The following HPSE2 variants were observed in gnomAD, a reference collection of about 807,000 sequenced individuals.
HPSE2 encodes the protein inactive heparanase-2.
In HPSE2, 38 loss-of-function variants were observed where a neutral mutation model predicts 60.5. The ratio of observed to expected loss-of-function variants is 0.63; its 90% CI spans 0.48 to 0.82. The LOEUF (loss-of-function observed/expected upper bound fraction) is 0.82, where lower values mean the gene tolerates loss of function less well. HPSE2 is among the 40% of genes least tolerant of loss of function. HPSE2 has a pLI of 0.00. For synonymous variants in HPSE2, 295 were observed against 293.2 expected, an observed-to-expected ratio of 1.01 and a Z score of -0.06; for missense variants, 713 against 740.4, an observed-to-expected ratio of 0.96 and a Z score of 0.43.
intron 3 of HPSE2, among the ~76,000 whole-genome samples, chr10:99,073,458 T>C (rs988146111): frequency 1.1e-4 from 16 of 151,538 alleles, no homozygotes; most frequent in African/African-American, 3.6e-4. Flanking sequence ...GAGAACAACA[T>C]ACACTGGGGC....
the HPSE2 span, among the ~76,000 whole-genome samples, chr10:99,295,016 C>T: frequency 3.3e-5 from 5 of 152,086 alleles, no homozygotes; most frequent in African/African-American, 1.2e-4. Flanking sequence ...TAACTATAGC[C>T]TCGCAAAAAT....
intron 9 of HPSE2, among the ~76,000 whole-genome samples, chr10:98,580,863 T>TGTGTGTGTGA (rs758991622): frequency 0.074 from 10,580 of 142,336 alleles, 533 homozygotes; most frequent in Middle Eastern, 0.15. Flanking sequence ...TGTGTGTGTG[T>TGTGTGTGTGA]GATAAACATG....
At chr10:98,546,806 G>A (rs886384527) in intron 9 of HPSE2, among the ~76,000 whole-genome samples, 12 of 150,780 alleles carry the variant, frequency 8.0e-5, no homozygotes, top group African/African-American at 2.7e-4. Context: ...TGACAAATGG[G>A]ATCTAATTAA....
intron 5 of HPSE2, among the ~76,000 whole-genome samples, chr10:98,701,336 C>T (rs1202767173): frequency 6.9e-4 from 102 of 148,098 alleles, no homozygotes; most frequent in South Asian, 1.1e-3. Context: ...TCATGTCCTT[C>T]GTAGGGACAT....
intron 9 of HPSE2, among the ~76,000 whole-genome samples, chr10:98,539,848 C>A (rs561565287): frequency 6.6e-6 from 1 of 151,990 alleles, no homozygotes; most frequent in African/African-American, 2.4e-5. Context: ...CCTGATTTTA[C>A]CCCCACCTTA....
chr10:98,980,953 T>C (rs1956192562), intron 3 of HPSE2, among the ~76,000 whole-genome samples: 1 of 152,180 alleles, frequency 6.6e-6, no homozygotes, highest in Non-Finnish European at 1.5e-5. Flanking sequence ...AGGAGTATGA[T>C]AAGATATTAT....
At chr10:98,631,043 T>A (rs1041276767) in intron 7 of HPSE2, among the ~76,000 whole-genome samples, 3 of 152,238 alleles carry the variant, frequency 2.0e-5, no homozygotes, top group African/African-American at 7.2e-5. Context: ...TTGATGCATT[T>A]CTTCTGTCTA....
chr10:99,210,925 T>C (rs1377134162), intron 2 of HPSE2, among the ~76,000 whole-genome samples: 1 of 152,132 alleles, frequency 6.6e-6, no homozygotes, highest in African/African-American at 2.4e-5. Flanking sequence ...GACAGATCAA[T>C]TAGGCATAAA....
chr10:98,946,929 A>C (rs1025750770), intron 3 of HPSE2, among the ~76,000 whole-genome samples: 11 of 152,058 alleles, frequency 7.2e-5, no homozygotes, highest in Admixed American at 7.2e-4. Flanking sequence ...TATCACAGTA[A>C]AAAGTGAGCA....
At chr10:98,719,844 T>C (rs754962147) in intron 5 of HPSE2, among the ~76,000 whole-genome samples, 16 of 149,468 alleles carry the variant, frequency 1.1e-4, no homozygotes, top group African/African-American at 1.7e-4. Flanking sequence ...CTACTGAAAA[T>C]ACAAAAATTA....
At chr10:98,988,019 T>A (rs1268578043) in intron 3 of HPSE2, among the ~76,000 whole-genome samples, 1 of 152,192 alleles carries the variant, frequency 6.6e-6, no homozygotes, top group African/African-American at 2.4e-5. Context: ...GGAAGAACAT[T>A]CCATGCTCAT....
At chr10:99,143,600 T>C (rs73333705) in intron 3 of HPSE2, among the ~76,000 whole-genome samples, 1,719 of 152,314 alleles carry the variant, frequency 0.011, 34 homozygotes, top group African/African-American at 0.039. Flanking sequence ...CACATAAGAT[T>C]CTGCTATTAT....
intron 3 of HPSE2, among the ~76,000 whole-genome samples, chr10:99,034,162 C>T (rs180673969): frequency 1.7e-3 from 266 of 152,220 alleles, no homozygotes; most frequent in African/African-American, 6.1e-3. Flanking sequence ...AAGGAACAAA[C>T]TATGATTTAT....
At chr10:99,085,824 C>A (rs891971655) in intron 3 of HPSE2, among the ~76,000 whole-genome samples, 1 of 152,164 alleles carries the variant, frequency 6.6e-6, no homozygotes, top group Non-Finnish European at 1.5e-5. Flanking sequence ...TATTTTATCT[C>A]CACTATCCCT....
chr10:98,605,075 G>A (rs1007811908), intron 9 of HPSE2, among the ~76,000 whole-genome samples: 4 of 152,152 alleles, frequency 2.6e-5, no homozygotes, highest in African/African-American at 9.7e-5. Context: ...ATGACGTCTT[G>A]TTGCACAGTC....
chr10:98,621,962 A>G (rs372909033), intron 7 of HPSE2, among the ~76,000 whole-genome samples: 52 of 152,344 alleles, frequency 3.4e-4, no homozygotes, highest in African/African-American at 1.2e-3. Context: ...CTGGATAAAG[A>G]AAATAGTGTA....
At chr10:98,852,165 G>GTA (rs67500258) in intron 3 of HPSE2, among the ~76,000 whole-genome samples, 1 of 119,276 alleles carries the variant, frequency 8.4e-6, no homozygotes, top group Non-Finnish European at 1.7e-5. Flanking sequence ...GTGTGTGTGT[G>GTA]TATATATGTT....
At chr10:99,298,404 G>A in the HPSE2 span, among the ~76,000 whole-genome samples, 1 of 152,356 alleles carries the variant, frequency 6.6e-6, no homozygotes, top group East Asian at 1.9e-4. Context: ...CCCTTGTAGT[G>A]ACCCTTACTA....
chr10:99,271,935 AC>A, the HPSE2 span, among the ~76,000 whole-genome samples: 1 of 152,228 alleles, frequency 6.6e-6, no homozygotes, highest in Non-Finnish European at 1.5e-5. Context: ...CTGGCAAGCC[AC>A]ATGTAGAAGA....
Sources: allele counts gnomAD v4.1 joint callset (sites outside exome capture counted in the v4.1 genomes callset), GRCh38; gene constraint gnomAD v4.1.1; transcripts MANE v1.5; gene names NCBI Gene and HGNC (gene_info 2026-07-23, HGNC 2026-07-21).